Variants in KIDINS220 observed in about 807,000 individuals in gnomAD.
The protein encoded by KIDINS220 is kinase D interacting substrate 220.
In KIDINS220, 63 loss-of-function variants were observed where a neutral mutation model predicts 157.6. That is an observed-to-expected ratio of 0.40 (90% CI 0.33 to 0.49). The LOEUF is 0.49. Among genes scored for constraint, KIDINS220 ranks in the 20% least tolerant of loss-of-function variants. The pLI is 0.66. For missense variants in KIDINS220, 1,772 were observed against 2,171.2 expected, an observed-to-expected ratio of 0.82 and a Z score of 3.65; for synonymous variants, 732 against 783.6, an observed-to-expected ratio of 0.93 and a Z score of 1.10.
In KIDINS220 at chr2:8,733,501, C is replaced by G. The variant is rs1430987554; in HGVS notation, c.3996G>C (p.Glu1332Asp). The G allele has an allele frequency of 6.2e-7, 1 of 1,614,166 alleles. No homozygotes were observed. The highest frequency in any genetic ancestry group is 8.5e-7 in the Non-Finnish European group (1 of 1,180,046). Residue 1332 changes from glutamate to aspartate, a missense_variant, in exon 29 of 30, where the codon GAG (glutamate) becomes GAC (aspartate). Glu to Asp is a conservative substitution (Grantham distance 45). This residue lies in a region of KIDINS220 where 793 missense variants were observed against 885.5 expected (regional missense o/e 0.90). Transcript: ENST00000256707. ...CTTCATCCAGGCCAAGCGTGTTCAG[C>G]TCTTCGAAGCTGAAGTTGAGTGTGT... ...TPYTLNFSFE[E>D]LNTLGLDEGA...
At chr2:8,828,346 A>C (rs1679129378) in intron 1 of KIDINS220, among the ~76,000 whole-genome samples, 1 of 152,224 alleles carries the variant, frequency 6.6e-6, no homozygotes, top group Admixed American at 6.5e-5. Flanking sequence ...CCGACCCCAC[A>C]CAGGCTTCAC....
intron 1 of KIDINS220, among the ~76,000 whole-genome samples, chr2:8,829,703 TAAA>T (rs890239601): frequency 6.6e-6 from 1 of 152,068 alleles, no homozygotes. Context: ...ATACTGGAAA[TAAA>T]AAAAGAACAA....
intron 26 of KIDINS220, chr2:8,746,854 A>G: frequency 3.0e-6 from 1 of 336,788 alleles, no homozygotes; most frequent in Non-Finnish European, 5.4e-6. Flanking sequence ...TACCAACGGA[A>G]CACCCCTGAC....
chr2:8,800,578 G>T, intron 8 of KIDINS220, 80 bp from the exon 9 acceptor site: 3 of 996,288 alleles, frequency 3.0e-6, no homozygotes, highest in East Asian at 2.5e-5. Context: ...AGTTAATCAT[G>T]TTTTCATATT....
At chr2:8,753,469 CTT>C (rs1242519235) in intron 22 of KIDINS220, among the ~76,000 whole-genome samples, 2 of 152,168 alleles carry the variant, frequency 1.3e-5, no homozygotes, top group East Asian at 3.8e-4. Flanking sequence ...CATTTACTCT[CTT>C]GATTGTGGTA....
chr2:8,793,022 C>T (rs916058854), intron 12 of KIDINS220, among the ~76,000 whole-genome samples: 1 of 151,972 alleles, frequency 6.6e-6, no homozygotes, highest in African/African-American at 2.4e-5. Context: ...AAACTATATA[C>T]ATAGTATGTA....
intron 17 of KIDINS220, among the ~76,000 whole-genome samples, chr2:8,781,580 G>A (rs1394198239): frequency 6.6e-6 from 1 of 152,086 alleles, no homozygotes; most frequent in Non-Finnish European, 1.5e-5. Context: ...CTTCCCCTCA[G>A]TGGAATTAAA....
chr2:8,771,000 A>G (rs900526643), intron 21 of KIDINS220, among the ~76,000 whole-genome samples, 168 bp from the exon 22 acceptor site: 1 of 152,214 alleles, frequency 6.6e-6, no homozygotes, highest in African/African-American at 2.4e-5. Context: ...AAAGAGCTGC[A>G]TTAAGTAAAG....
rs370753728 is a variant in KIDINS220 at position 8,779,693 on chromosome 2, A to C, written c.2351T>G (p.Val784Gly). 12 of 1,614,122 alleles carry C rather than the reference A, an allele frequency of 7.4e-6. No homozygotes were observed. The highest frequency in any genetic ancestry group is 1.7e-5 in the Admixed American group (1 of 60,018). Residue 784 changes from valine (V) to glycine (G), a missense_variant, in exon 18 of 30, where the codon GTC becomes GGC. By Grantham distance (109) the Val-to-Gly change is moderately radical (BLOSUM62 -3). Transcript: ENST00000256707. ...ACGTACAGTGTCCAGCATCTGAAGGACTTTGTCCTGCTCACAGGCATCTAA... is the reference window on the plus strand; with the variant it reads ...ACGTACAGTGTCCAGCATCTGAAGGCCTTTGTCCTGCTCACAGGCATCTAA... Reference protein sequence around the residue: ...DGLDACEQDKVLQMLDTVRVL... With the variant: ...DGLDACEQDKGLQMLDTVRVL...
At position 8,779,090 on chromosome 2, in the gene KIDINS220, T is replaced by C; in HGVS notation, c.2420A>G (p.Asp807Gly). 6.2e-7 allele frequency: 1 copy of C among 1,614,022 alleles called. No individual in the cohort carries two copies. The highest frequency in any genetic ancestry group is 8.5e-7 in the Non-Finnish European group (1 of 1,180,014). Residue 807 changes from aspartate to glycine, a missense_variant, in exon 19 of 30, where the codon GAT (aspartate) becomes GGT (glycine). This residue lies in a region of KIDINS220 where 725 missense variants were observed against 1,017.1 expected (regional missense o/e 0.71). Coordinates refer to ENST00000256707, the MANE Select transcript of KIDINS220 (RefSeq NM_020738.4). ...AATTGCCTTTATGATAATATGTGGA[T>C]CACTTGCAAAAATGGCAATGAACGG... The part of the protein sequence containing the change: ...KGPFIAIFAS[D>G]PHIIIKAINQ...
intron 1 of KIDINS220, among the ~76,000 whole-genome samples, chr2:8,831,672 A>T (rs1262549072): frequency 1.3e-5 from 2 of 152,262 alleles, no homozygotes; most frequent in African/African-American, 4.8e-5. Context: ...CTTAGACTAG[A>T]AGTTCTTGCA....
Position 8,731,818 on chromosome 2 carries a change from A to T in KIDINS220, c.4218T>A (p.Ile1406=), listed in dbSNP as rs1283471208. The change falls in exon 30 of 30, where the codon ATT becomes ATA. Residue 1406 remains isoleucine (I), a synonymous_variant. Transcript: ENST00000256707. This position sits in a 1 kb window ranked among gnomAD's most constrained non-coding sequence, Gnocchi z 5.2. ...QLEGGPGSTT[I]SGRSSPHSTY... Reference sequence around the variant, plus strand: ...TGCTATGTGGAGAAGATCTGCCACTAATGGTTGTAGACCCGGGGCCCCCTT... The same window carrying T: ...TGCTATGTGGAGAAGATCTGCCACTTATGGTTGTAGACCCGGGGCCCCCTT... 1 of 1,613,970 alleles carries T rather than the reference A, an allele frequency of 6.2e-7. No individual in the cohort carries two copies. The highest frequency in any genetic ancestry group is 8.5e-7 in the Non-Finnish European group (1 of 1,179,994).
At chr2:8,789,283 ATTTTT>A (rs70946384) in intron 14 of KIDINS220, among the ~76,000 whole-genome samples, 2 of 109,106 alleles carry the variant, frequency 1.8e-5, no homozygotes, top group Non-Finnish European at 1.8e-5. Context: ...CAGAAAAAGA[ATTTTT>A]TTTTTTTTTT....
Position 8,730,966 on chromosome 2 carries a change from A to G in KIDINS220, c.5070T>C (p.Ala1690=), listed in dbSNP as rs76182610. 1.9e-6 allele frequency: 3 copies of G among 1,614,014 alleles called. No individual in the cohort carries two copies. In the East Asian group the frequency reaches 6.7e-5, roughly 36 times the overall value. Reference sequence around the variant, plus strand: ...AATTTTGATTGGCTCTGTTGGCTGGAGCACTATTGTTGTTCAGAGTCACGG... The same window carrying G: ...AATTTTGATTGGCTCTGTTGGCTGGGGCACTATTGTTGTTCAGAGTCACGG... ...PSTVTLNNNS[A]PANRANQNFD... is the part of the protein sequence containing the mutation. Residue 1690 remains alanine, a synonymous_variant, in exon 30 of 30, where the codon GCT becomes GCC. Transcript: ENST00000256707.
intron 6 of KIDINS220, among the ~76,000 whole-genome samples, chr2:8,810,212 C>T (rs780775541): frequency 9.2e-5 from 14 of 152,220 alleles, no homozygotes; most frequent in Non-Finnish European, 1.9e-4. Flanking sequence ...CACCTCCACA[C>T]TCCTAAGTCA....
intron 4 of KIDINS220, 81 bp downstream of exon 4, chr2:8,817,537 C>T (rs1677243689): frequency 3.8e-6 from 3 of 790,344 alleles, no homozygotes; most frequent in Non-Finnish European, 5.8e-6. Context: ...TCATTTCACA[C>T]ATAAAAATAA....
chr2:8,731,373 A>G lies in KIDINS220; in HGVS notation c.4663T>C (p.Ser1555Pro), dbSNP rs910251592. 3.1e-6 allele frequency: 5 copies of G among 1,613,986 alleles called. No homozygotes were observed. The highest frequency in any genetic ancestry group is 1.3e-5 in the African/African-American group (1 of 74,910). ...AEGKVERVPK[S>P]PEHSAEPIRT... ...ATCGGCTCAGCACTGTGTTCTGGAG[A>G]CTTCGGCACTCTCTCTACTTTCCCT... Residue 1555 changes from serine to proline, a missense_variant, in exon 30 of 30, where the codon TCT (serine) becomes CCT (proline). Ser to Pro is a moderately conservative substitution (Grantham distance 74, BLOSUM62 -1). This residue lies in a region of KIDINS220 where 793 missense variants were observed against 885.5 expected (regional missense o/e 0.90). Transcript: ENST00000256707. The surrounding 1 kb of genome is among the most constrained non-coding windows in gnomAD (Gnocchi z 5.2).
chr2:8,785,884 T>G lies in KIDINS220; in HGVS notation c.2086A>C (p.Ile696Leu). Residue 696 changes from isoleucine (I) to leucine (L), a missense_variant, in exon 17 of 30, where the codon ATC becomes CTC. Around this residue, in one of 3 missense-constraint regions of KIDINS220, gnomAD observed 725 missense variants for 1,017.1 expected, o/e 0.71. Coordinates refer to ENST00000256707, the MANE Select transcript of KIDINS220 (RefSeq NM_020738.4). ...AAGGCCAATCCCACTACAGATGCGA[T>G]TGATATGAGGACAGCATTTACAGTC... is the stretch of plus-strand genomic sequence containing the variant. ...HLTVNAVLIS[I>L]ASVVGLAFVL... 1.2e-6 allele frequency: 2 copies of G among 1,614,162 alleles called. No individual in the cohort carries two copies. Among genetic ancestry groups the G allele is most frequent in the Non-Finnish European group, 1.7e-6 (2 of 1,180,014 alleles).
intron 2 of KIDINS220, chr2:8,826,008 T>A (rs944671205): frequency 5.9e-5 from 9 of 151,800 alleles, no homozygotes; most frequent in Non-Finnish European, 1.0e-4. Flanking sequence ...GGCGTGAACC[T>A]GGGAGGCGGA....
Sources: allele counts gnomAD v4.1 joint callset (sites outside exome capture counted in the v4.1 genomes callset), GRCh38; gene constraint gnomAD v4.1.1; regional missense constraint gnomAD v4.1.1; non-coding constraint Gnocchi (gnomAD v3.1); transcripts MANE v1.5; gene names NCBI Gene and HGNC (gene_info 2026-07-23, HGNC 2026-07-21).